The following TRIM33 variants were observed in gnomAD, a reference collection of about 807,000 sequenced individuals.
TRIM33 encodes E3 ubiquitin-protein ligase TRIM33.
In TRIM33, 20 loss-of-function variants were observed where a neutral mutation model predicts 125.4. That is an observed-to-expected ratio of 0.16 (90% CI 0.11 to 0.23). TRIM33 has a LOEUF of 0.23. Among genes scored for constraint, TRIM33 ranks in the 10% least tolerant of loss-of-function variants. TRIM33 has a pLI of 1.00. For synonymous variants in TRIM33, 564 were observed against 513.9 expected, an observed-to-expected ratio of 1.10 and a Z score of -1.32; for missense variants, 920 against 1,411.4, an observed-to-expected ratio of 0.65 and a Z score of 5.58.
chr1:114,510,882 C>T lies in TRIM33; in HGVS notation c.195G>A (p.Gly65=), dbSNP rs1030825148. Residue 65 remains glycine (G), a synonymous_variant, in exon 1 of 20, where the codon GGG becomes GGA. Transcript: ENST00000358465. ...AGCCCGAGGAGGCCGCGGCCACCCCCCCGTCGTCGGGCCCGGCCGCGCCGC... is the reference window on the plus strand; with the variant it reads ...AGCCCGAGGAGGCCGCGGCCACCCCTCCGTCGTCGGGCCCGGCCGCGCCGC... ...AEGGAAGPDD[G]GVAAASSGSA... 12 of 1,451,672 alleles carry T rather than the reference C, an allele frequency of 8.3e-6. No individual in the cohort carries two copies. The East Asian group carries it at 2.4e-4, about 29-fold the overall frequency. The allele number at this position is 1,451,672 out of a possible 1,614,324, so 89.9% of individuals were successfully genotyped here.
At chr1:114,469,718 A>G (rs1650522155) in intron 1 of TRIM33, among the ~76,000 whole-genome samples, 1 of 152,226 alleles carries the variant, frequency 6.6e-6, no homozygotes, top group Non-Finnish European at 1.5e-5. Flanking sequence ...GTAGCGGCAG[A>G]CAGACATTAG....
Position 114,464,395 on chromosome 1 carries a change from C to T in TRIM33, c.527-7G>A. The T allele has an allele frequency of 1.4e-6, 2 of 1,425,820 alleles. No homozygotes were observed. The highest frequency in any genetic ancestry group is 1.9e-6 in the Non-Finnish European group (2 of 1,035,226). The allele number at this position is 1,425,820 out of a possible 1,614,324, so 88.3% of individuals were successfully genotyped here. A position where few individuals can be genotyped will look rare whatever the true frequency, so the allele number is the denominator to read the frequency against. ...GGGCACCGTATTACACCAACTACAA[C>T]ATAAAATAACAACATTTTAAAATAT... On this transcript the variant is annotated splice_region_variant and splice_polypyrimidine_tract_variant and intron_variant, in intron 1 of 19. Transcript: ENST00000358465.
rs969520173 is a variant in TRIM33 at position 114,405,815 on chromosome 1, A to T, written c.2419-56T>A. The T allele has an allele frequency of 7.7e-5, 110 of 1,429,684 alleles. 1 individual carries two copies. Among genetic ancestry groups the T allele is most frequent in the Middle Eastern group, 5.4e-4 (3 of 5,516 alleles). 88.6% of individuals were successfully genotyped at this position (1,429,684 alleles called of 1,614,324 possible). The stretch of plus-strand genomic sequence containing the variant: ...AATCATTTAATCTTTATTGTATGCC[A>T]TATGTGTATTTAACAGTTATGTGAA... On this transcript the variant is annotated intron_variant, in intron 14 of 19. Coordinates refer to ENST00000358465, the MANE Select transcript of TRIM33 (RefSeq NM_015906.4).
chr1:114,494,697 A>G (rs988713233), intron 1 of TRIM33, among the ~76,000 whole-genome samples: 1 of 152,214 alleles, frequency 6.6e-6, no homozygotes, highest in African/African-American at 2.4e-5. Context: ...AGCCGTACTA[A>G]AAGATGTTGG....
chr1:114,458,977 C>A (rs1420495561), intron 4 of TRIM33, among the ~76,000 whole-genome samples: 1 of 152,142 alleles, frequency 6.6e-6, no homozygotes, highest in East Asian at 1.9e-4. Context: ...GTTTCTGCAA[C>A]AGTCCATCCA....
At chr1:114,436,762 G>A (rs1167278177) in intron 4 of TRIM33, among the ~76,000 whole-genome samples, 5 of 152,046 alleles carry the variant, frequency 3.3e-5, no homozygotes, top group African/African-American at 1.2e-4. Flanking sequence ...ACCACTCCTG[G>A]CAAGAGGCTT....
intron 4 of TRIM33, among the ~76,000 whole-genome samples, chr1:114,446,009 T>G (rs934624252): frequency 1.3e-5 from 2 of 151,992 alleles, no homozygotes; most frequent in Non-Finnish European, 2.9e-5. Context: ...AGGCACATGT[T>G]CCCACGCCCA....
intron 1 of TRIM33, among the ~76,000 whole-genome samples, chr1:114,476,627 AACAT>A (rs1347819631): frequency 2.5e-4 from 38 of 152,266 alleles, no homozygotes; most frequent in Non-Finnish European, 2.1e-4. Flanking sequence ...AAGAGAAAAA[AACAT>A]AGAGAAGTCA....
intron 1 of TRIM33, among the ~76,000 whole-genome samples, chr1:114,484,700 T>A (rs1182455841): frequency 6.6e-6 from 1 of 152,018 alleles, no homozygotes; most frequent in African/African-American, 2.4e-5. Flanking sequence ...CTGTCTCTAC[T>A]AAAAATAAAG....
At chr1:114,430,347 C>T (rs1194765200) in intron 6 of TRIM33, among the ~76,000 whole-genome samples, 2 of 152,068 alleles carry the variant, frequency 1.3e-5, no homozygotes, top group African/African-American at 2.4e-5. Flanking sequence ...CGGGCTCAGT[C>T]GATCCTCCCA....
intron 4 of TRIM33, among the ~76,000 whole-genome samples, chr1:114,454,698 A>G (rs918803484): frequency 1.3e-5 from 2 of 151,616 alleles, no homozygotes; most frequent in Non-Finnish European, 2.9e-5. Flanking sequence ...AAAGTTAATG[A>G]AACAATTCCT....
In TRIM33 at chr1:114,463,096, T is replaced by C; in HGVS notation, c.923+8A>G. The stretch of plus-strand genomic sequence containing the variant: ...GTATTTCCTGGTAAGCAATTATGAT[T>C]TCTGTACCTATGTTCTTTGTGTTCC... On this transcript the variant is annotated splice_region_variant and intron_variant, in intron 4 of 19. Coordinates refer to ENST00000358465, the MANE Select transcript of TRIM33 (RefSeq NM_015906.4). The C allele has an allele frequency of 6.3e-7, 1 of 1,584,684 alleles. No homozygotes were observed.
chr1:114,496,740 C>T (rs769229187), intron 1 of TRIM33, among the ~76,000 whole-genome samples: 2 of 151,948 alleles, frequency 1.3e-5, no homozygotes, highest in Non-Finnish European at 2.9e-5. Context: ...AAGAGCTATC[C>T]CTGTTTGGCT....
intron 1 of TRIM33, chr1:114,468,471 G>C (rs1047263190): frequency 5.5e-6 from 2 of 362,698 alleles, no homozygotes; most frequent in Non-Finnish European, 1.1e-5. Context: ...TGGGGACAAA[G>C]AATTGGAAGC....
chr1:114,463,064 T>A (rs755312766), intron 4 of TRIM33, 40 bp downstream of exon 4: 9 of 1,514,818 alleles, frequency 5.9e-6, no homozygotes, highest in Non-Finnish European at 6.2e-6. Flanking sequence ...TACAAGCACT[T>A]TTTATAGTAT....
chr1:114,446,076 G>A (rs1037727441), intron 4 of TRIM33, among the ~76,000 whole-genome samples: 3 of 152,024 alleles, frequency 2.0e-5, no homozygotes, highest in South Asian at 2.1e-4. Flanking sequence ...GACTGGTCTC[G>A]AACTCCTGAG....
chr1:114,398,391 T>C (rs75715605), intron 18 of TRIM33, among the ~76,000 whole-genome samples: 1,565 of 152,318 alleles, frequency 0.01, 25 homozygotes, highest in African/African-American at 0.036. Flanking sequence ...AAACTATTTA[T>C]TACTGAGGCA....
At chr1:114,434,716 T>C (rs1178124551) in intron 4 of TRIM33, among the ~76,000 whole-genome samples, 2 of 152,226 alleles carry the variant, frequency 1.3e-5, no homozygotes, top group African/African-American at 4.8e-5. Context: ...CCATTATTGT[T>C]TGTACTACTA....
At chr1:114,398,077 A>G (rs750580747) in intron 18 of TRIM33, 87 bp from the exon 19 acceptor site, 2 of 1,407,084 alleles carry the variant, frequency 1.4e-6, no homozygotes, top group Non-Finnish European at 1.9e-6. Context: ...GGCGACGAAA[A>G]GTCAGCCATA....
Sources: gnomAD v4.1 joint callset for allele counts (sites outside exome capture counted in the v4.1 genomes callset) on GRCh38, gnomAD v4.1.1 for gene constraint, MANE v1.5 for transcripts, NCBI Gene and HGNC (gene_info 2026-07-23, HGNC 2026-07-21) for gene names.